KANK1: variants seen among roughly 807,000 people sequenced by gnomAD.
KANK1 encodes the protein KN motif and ankyrin repeat domain-containing protein 1.
KANK1 carries 109 observed loss-of-function variants against 106.2 expected under a neutral mutation model. That is an observed-to-expected ratio of 1.03 (90% CI 0.88 to 1.20). The LOEUF is 1.20. Ranked by LOEUF, KANK1 falls within the 50% of genes most tolerant of loss-of-function variation. KANK1 has a pLI of 0.00. For synonymous variants in KANK1, 873 were observed against 652.2 expected (o/e 1.34, Z -5.16); for missense variants, 2,399 against 1,710.7 (o/e 1.40, Z -7.10).
At chr9:486,584 GCACACTGGCTACAGAGGC>G in intron 3 of KANK1, among the ~76,000 whole-genome samples, 1 of 152,076 alleles carries the variant, frequency 6.6e-6, no homozygotes, top group South Asian at 2.1e-4. Context: ...TTGGATGCAG[GCACACTGGCTACAGAGGC>G]CACACTCTTA....
intron 1 of KANK1, among the ~76,000 whole-genome samples, chr9:534,015 C>G (rs2060184304): frequency 1.3e-5 from 2 of 152,144 alleles, no homozygotes; most frequent in Non-Finnish European, 2.9e-5. Context: ...TTTTGTCATT[C>G]TGCATTTTTA....
intron 1 of KANK1, among the ~76,000 whole-genome samples, chr9:618,122 A>G (rs1832284623): frequency 6.6e-6 from 1 of 152,222 alleles, no homozygotes; most frequent in Non-Finnish European, 1.5e-5. Context: ...AGTATTCCCA[A>G]GAACAAAATA....
At chr9:738,117 T>C (rs993980622) in intron 7 of KANK1, among the ~76,000 whole-genome samples, 168 bp from the exon 8 acceptor site, 1 of 152,216 alleles carries the variant, frequency 6.6e-6, no homozygotes, top group African/African-American at 2.4e-5. Context: ...TCAGGAGAAA[T>C]GTCCCAGTTT....
At chr9:726,347 T>G (rs1288798141) in intron 3 of KANK1, among the ~76,000 whole-genome samples, 2 of 152,074 alleles carry the variant, frequency 1.3e-5, no homozygotes, top group Non-Finnish European at 2.9e-5. Context: ...CCGTTAAACT[T>G]GAACTGAGAG....
Position 710,907 on chromosome 9 carries a change from A to G in KANK1, c.141A>G (p.Lys47=). The change falls in exon 3 of 12, where the codon AAA becomes AAG. Residue 47 remains lysine (K), a synonymous_variant. Coordinates refer to ENST00000382297, the MANE Select transcript of KANK1 (RefSeq NM_015158.5). ...ATCAACTAGACTTAGATTTCCTCAA[A>G]TATGTGGATGACATACAGAAGGGAA... The part of the protein sequence containing the change: ...YGYQLDLDFL[K]YVDDIQKGNT... 1.9e-6 allele frequency: 3 copies of G among 1,614,198 alleles called. No homozygotes were observed. Among genetic ancestry groups the G allele is most frequent in the Non-Finnish European group, 2.5e-6 (3 of 1,180,028 alleles).
intron 1 of KANK1, among the ~76,000 whole-genome samples, chr9:536,521 T>G (rs1338494442): frequency 6.6e-6 from 1 of 152,218 alleles, no homozygotes; most frequent in Non-Finnish European, 1.5e-5. Context: ...TTCCTTGGCT[T>G]GTGACCCGTT....
intron 3 of KANK1, among the ~76,000 whole-genome samples, chr9:493,788 C>A (rs970393960): frequency 3.3e-5 from 5 of 151,788 alleles, no homozygotes; most frequent in African/African-American, 1.2e-4. Flanking sequence ...CTCAGGTGAT[C>A]TGCCCACCTC....
chr9:526,093 A>T (rs1334395291), intron 1 of KANK1, among the ~76,000 whole-genome samples: 11 of 150,658 alleles, frequency 7.3e-5, no homozygotes, highest in Non-Finnish European at 1.3e-4. Context: ...AGAACACAAA[A>T]GTAGGAATTC....
chr9:505,267 T>C (rs1206178444), intron 1 of KANK1, among the ~76,000 whole-genome samples: 1 of 151,960 alleles, frequency 6.6e-6, no homozygotes, highest in East Asian at 1.9e-4. Context: ...GACCCCTTTA[T>C]CCTCGGCCCC....
chr9:581,521 T>TA (rs1554635653), intron 1 of KANK1, among the ~76,000 whole-genome samples: 1 of 152,048 alleles, frequency 6.6e-6, no homozygotes, highest in East Asian at 1.9e-4. Flanking sequence ...TATGAACCAT[T>TA]CTTCATTAGT....
upstream of KANK1, among the ~76,000 whole-genome samples, chr9:503,238 G>C (rs954934920): frequency 6.6e-6 from 1 of 151,964 alleles, no homozygotes; most frequent in African/African-American, 2.4e-5. Flanking sequence ...TAGACATTTG[G>C]GGCGGGGTGG....
At chr9:511,844 C>A (rs987467115) in intron 1 of KANK1, among the ~76,000 whole-genome samples, 8 of 152,044 alleles carry the variant, frequency 5.3e-5, no homozygotes, top group Non-Finnish European at 1.2e-4. Flanking sequence ...TAGCAAATTA[C>A]CCCCCAAAAT....
intron 1 of KANK1, among the ~76,000 whole-genome samples, chr9:553,156 T>A (rs907897568): frequency 6.6e-6 from 1 of 152,106 alleles, no homozygotes; most frequent in African/African-American, 2.4e-5. Flanking sequence ...TCAAAAAGAA[T>A]GCAATTGTAA....
At chr9:698,651 A>T (rs551217559) in intron 2 of KANK1, among the ~76,000 whole-genome samples, 1 of 152,274 alleles carries the variant, frequency 6.6e-6, no homozygotes, top group Non-Finnish European at 1.5e-5. Context: ...GCTAGCCCAG[A>T]TGCAGACAGT....
chr9:475,319 T>C (rs541450378), intron 3 of KANK1, among the ~76,000 whole-genome samples: 2 of 152,202 alleles, frequency 1.3e-5, no homozygotes, highest in African/African-American at 4.8e-5. Flanking sequence ...ACTGCACATA[T>C]GGACAGCCCA....
chr9:509,232 G>A (rs1488335901), intron 1 of KANK1, among the ~76,000 whole-genome samples: 1 of 152,110 alleles, frequency 6.6e-6, no homozygotes, highest in African/African-American at 2.4e-5. Context: ...CGATTAGCTG[G>A]AACTACAGGC....
chr9:503,547 C>A (rs1427768984), upstream of KANK1, among the ~76,000 whole-genome samples: 1 of 152,212 alleles, frequency 6.6e-6, no homozygotes, highest in Non-Finnish European at 1.5e-5. Flanking sequence ...AGTTTGATGG[C>A]TCTTCACTTG....
At chr9:564,062 C>CT (rs34396017) in intron 1 of KANK1, among the ~76,000 whole-genome samples, 19,268 of 140,182 alleles carry the variant, frequency 0.14, 3,747 homozygotes, top group African/African-American at 0.42. Context: ...CACTTTCTTT[C>CT]TTTTTTTTTT....
intron 3 of KANK1, among the ~76,000 whole-genome samples, chr9:716,588 C>T (rs975264727): frequency 2.6e-5 from 4 of 152,150 alleles, no homozygotes; most frequent in African/African-American, 7.2e-5. Context: ...CGTGTCAAAG[C>T]TCAAAACGAA....
Sources: gnomAD v4.1 joint callset for allele counts (sites outside exome capture counted in the v4.1 genomes callset) on GRCh38, gnomAD v4.1.1 for gene constraint, MANE v1.5 for transcripts, NCBI Gene and HGNC (gene_info 2026-07-23, HGNC 2026-07-21) for gene names.